NUP188: variants seen among roughly 807,000 people sequenced by gnomAD.
NUP188 encodes the protein nucleoporin 188, also known as nucleoporin NUP188.
In NUP188, 97 loss-of-function variants were observed where a neutral mutation model predicts 223.0. That is an observed-to-expected ratio of 0.43 (90% CI 0.37 to 0.51). The LOEUF (loss-of-function observed/expected upper bound fraction) is 0.51, where lower values mean the gene tolerates loss of function less well. Ranked by LOEUF, NUP188 falls within the 20% of genes least tolerant of loss-of-function variation. The pLI, the probability that NUP188 is intolerant of heterozygous loss-of-function variation, is 0.00. For synonymous variants in NUP188, 869 were observed against 828.0 expected, an observed-to-expected ratio of 1.05 and a Z score of -0.85; for missense variants, 1,947 against 2,175.6, an observed-to-expected ratio of 0.89 and a Z score of 2.09.
intron 13 of NUP188, among the ~76,000 whole-genome samples, chr9:128,979,853 C>T (rs1361626694): frequency 2.0e-5 from 3 of 152,110 alleles, no homozygotes; most frequent in Admixed American, 6.6e-5. Flanking sequence ...AGGCTGGTCT[C>T]GATCTCCTGA....
intron 38 of NUP188, chr9:129,004,944 C>G (rs1253943148): frequency 1.0e-5 from 6 of 583,460 alleles, no homozygotes; most frequent in Non-Finnish European, 1.8e-5. Context: ...TGGAAAGTGG[C>G]CAGGGGAGCA....
At chr9:128,994,349 T>C in intron 27 of NUP188, 24 bp from the exon 28 acceptor site, 1 of 1,556,602 alleles carries the variant, frequency 6.4e-7, no homozygotes, top group South Asian at 1.1e-5. Flanking sequence ...AAGTTATGAT[T>C]TCAAACATTT....
At chr9:128,948,045 T>G in intron 1 of NUP188, 10 of 300,296 alleles carry the variant, frequency 3.3e-5, no homozygotes, top group East Asian at 1.0e-4. Flanking sequence ...GACGCGTCTC[T>G]TGGCGCCCCA....
intron 19 of NUP188, among the ~76,000 whole-genome samples, chr9:128,984,425 C>T (rs148467628): frequency 1.3e-5 from 2 of 152,134 alleles, no homozygotes; most frequent in Non-Finnish European, 2.9e-5. Context: ...GGTGCCCGGC[C>T]GAGAGCAAGA....
Position 129,006,362 on chromosome 9 carries a change from T to C in NUP188, c.5067T>C (p.Ser1689=). The C allele has an allele frequency of 1.9e-6, 3 of 1,614,116 alleles. No homozygotes were observed. The highest frequency in any genetic ancestry group is 2.5e-6 in the Non-Finnish European group (3 of 1,180,000). The change falls in exon 43 of 44, where the codon TCT becomes TCC. Residue 1689 remains serine (S), a synonymous_variant. Coordinates refer to ENST00000372577, the MANE Select transcript of NUP188 (RefSeq NM_015354.3). ...DKQRMKQELS[S]ELSTLLSSLS... ...AGCGGATGAAGCAGGAGCTCAGCTCTGAGTTGGTACGGATGGATAGGGATA... is the reference window on the plus strand; with the variant it reads ...AGCGGATGAAGCAGGAGCTCAGCTCCGAGTTGGTACGGATGGATAGGGATA...
intron 38 of NUP188, 149 bp from the exon 39 acceptor site, chr9:129,004,998 G>C: frequency 1.5e-6 from 1 of 673,688 alleles, no homozygotes; most frequent in Non-Finnish European, 2.7e-6. Flanking sequence ...GAAGGAGGGA[G>C]AGAAGGGGAG....
intron 29 of NUP188, 41 bp downstream of exon 29, chr9:128,994,964 G>A (rs1362696881): frequency 6.8e-7 from 1 of 1,465,062 alleles, no homozygotes; most frequent in Non-Finnish European, 9.6e-7. Flanking sequence ...TGAAGGTTGG[G>A]GGAGTGGGAG....
Position 128,958,999 on chromosome 9 carries a change from T to C in NUP188, c.466-16T>C, listed in dbSNP as rs757415694. The C allele has an allele frequency of 6.6e-7, 1 of 1,519,104 alleles. No homozygotes were observed. The highest frequency in any genetic ancestry group is 8.9e-7 in the Non-Finnish European group (1 of 1,119,692). The allele number at this position is 1,519,104 out of a possible 1,614,324, so 94.1% of individuals were successfully genotyped here. A position where few individuals can be genotyped will look rare whatever the true frequency, so the allele number is the denominator to read the frequency against. On this transcript the variant is annotated splice_polypyrimidine_tract_variant and intron_variant, in intron 7 of 43. Coordinates refer to ENST00000372577, the MANE Select transcript of NUP188 (RefSeq NM_015354.3). ...CTTTTATTCTAGGTATAATTTACTC[T>C]TTTGATTTTTTAAAGGTTGAATATG...
At chr9:128,956,196 T>TGG (rs1442557532) in intron 3 of NUP188, among the ~76,000 whole-genome samples, 154 bp from the exon 4 acceptor site, 1 of 140,048 alleles carries the variant, frequency 7.1e-6, no homozygotes, top group Non-Finnish European at 1.6e-5. Context: ...TGTGTGTGTG[T>TGG]GTGTGTGTGT....
chr9:128,994,738 C>G (rs1842490048), intron 28 of NUP188, 118 bp from the exon 29 acceptor site: 1 of 848,256 alleles, frequency 1.2e-6, no homozygotes, highest in Middle Eastern at 2.6e-4. Flanking sequence ...TCACATTCAA[C>G]AGGGGTTGTG....
chr9:128,974,030 C>A (rs2131158399), intron 12 of NUP188, among the ~76,000 whole-genome samples: 1 of 152,210 alleles, frequency 6.6e-6, no homozygotes, highest in African/African-American at 2.4e-5. Flanking sequence ...TCTGCCTCAG[C>A]CTCTTAAATA....
rs1375562825 is a variant in NUP188 at position 128,983,306 on chromosome 9, A to T, written c.1810A>T (p.Ile604Phe). Residue 604 changes from isoleucine (I) to phenylalanine (F), a missense_variant, in exon 18 of 44, where the codon ATC (isoleucine) becomes TTC (phenylalanine). By Grantham distance (21) the Ile-to-Phe change is conservative (BLOSUM62 0). Coordinates refer to ENST00000372577, the MANE Select transcript of NUP188 (RefSeq NM_015354.3). ...YMLLQRLTTV[I>F]SPPVDVIASC... is the part of the protein sequence containing the mutation. ...TTCTCCAACCAGGTTAACGACAGTGATCTCCCCACCTGTGGATGTCATTGC... is the reference window on the plus strand; with the variant it reads ...TTCTCCAACCAGGTTAACGACAGTGTTCTCCCCACCTGTGGATGTCATTGC... 1 of 1,614,056 alleles carries T rather than the reference A, an allele frequency of 6.2e-7. No individual in the cohort carries two copies. Among genetic ancestry groups the T allele is most frequent in the Admixed American group, 1.7e-5 (1 of 60,000 alleles).
At chr9:129,002,753 TGTACTACAAGGAG>T (rs1842694210) in intron 36 of NUP188, 51 bp from the exon 37 acceptor site, 1 of 1,537,534 alleles carries the variant, frequency 6.5e-7, no homozygotes, top group Non-Finnish European at 8.8e-7. Flanking sequence ...CCTTAGTTGC[TGTACTACAAGGAG>T]GTCCTGCCTC....
Position 128,979,868 on chromosome 9 carries a change from G to A in NUP188, c.1269+541G>A, listed in dbSNP as rs561974723. Among the ~76,000 whole-genome samples, 21 of 152,196 alleles carry A rather than the reference G, an allele frequency of 1.4e-4. No individual in the cohort carries two copies. The East Asian group carries it at 1.9e-3, about 14-fold the overall frequency. The stretch of plus-strand genomic sequence containing the variant: ...AGGCTGGTCTCGATCTCCTGACCTC[G>A]TGATCTGCCAGCCTCGGCCTCCCAA... On this transcript the variant is annotated intron_variant, in intron 13 of 43. Transcript: ENST00000372577.
At chr9:128,951,306 CAAA>C (rs34863865) in intron 2 of NUP188, among the ~76,000 whole-genome samples, 5 of 86,220 alleles carry the variant, frequency 5.8e-5, no homozygotes, top group South Asian at 3.9e-4. Context: ...GACTCCATCT[CAAA>C]AAAAAAAAAA....
chr9:129,002,091 C>G, intron 36 of NUP188, 115 bp downstream of exon 36: 2 of 794,924 alleles, frequency 2.5e-6, no homozygotes, highest in East Asian at 2.6e-5. Context: ...GCCTAATACA[C>G]TGATGGTGAG....
In NUP188 at chr9:128,969,493, G is replaced by T; in HGVS notation, c.891G>T (p.Ala297=). The T allele has an allele frequency of 1.3e-6, 2 of 1,576,046 alleles. No individual in the cohort carries two copies. Among genetic ancestry groups the T allele is most frequent in the Non-Finnish European group, 1.7e-6 (2 of 1,164,996 alleles). ...LDDRRELHQF[A]QDGLICQDMD... is the part of the protein sequence containing the mutation. Reference sequence around the variant, plus strand: ...ACAGAAGAGAACTGCATCAGTTTGCGCAGGATGGGCTTATTTGTCAGGTGA... The same window carrying T: ...ACAGAAGAGAACTGCATCAGTTTGCTCAGGATGGGCTTATTTGTCAGGTGA... The change falls in exon 10 of 44, where the codon GCG becomes GCT. Residue 297 remains alanine, a synonymous_variant. Coordinates refer to ENST00000372577, the MANE Select transcript of NUP188 (RefSeq NM_015354.3).
chr9:128,973,839 A>G (rs1472171359), intron 12 of NUP188, among the ~76,000 whole-genome samples: 4 of 152,232 alleles, frequency 2.6e-5, no homozygotes. Flanking sequence ...ACATGAAAAT[A>G]TAGTAATTCT....
At position 128,969,507 on chromosome 9, in the gene NUP188, T is replaced by C. The variant is rs764129723; in HGVS notation, c.905T>C (p.Ile302Thr). The C allele has an allele frequency of 6.5e-7, 1 of 1,547,046 alleles. No individual in the cohort carries two copies. Among genetic ancestry groups the C allele is most frequent in the Non-Finnish European group, 8.7e-7 (1 of 1,149,822 alleles). Residue 302 changes from isoleucine (I) to threonine (T), a missense_variant, in exon 10 of 44, where the codon ATT becomes ACT. Around this residue, in one of 3 missense-constraint regions of NUP188, gnomAD observed 817 missense variants for 865.8 expected, o/e 0.94. Transcript: ENST00000372577. The part of the protein sequence containing the change: ...ELHQFAQDGL[I>T]CQDMDCLMLT... Reference sequence around the variant, plus strand: ...CATCAGTTTGCGCAGGATGGGCTTATTTGTCAGGTGACTTGGAATAGCCTC... The same window carrying C: ...CATCAGTTTGCGCAGGATGGGCTTACTTGTCAGGTGACTTGGAATAGCCTC...
Sources: gnomAD v4.1 joint callset for allele counts (sites outside exome capture counted in the v4.1 genomes callset) on GRCh38, gnomAD v4.1.1 for gene constraint, gnomAD v4.1.1 regional missense constraint, MANE v1.5 for transcripts, NCBI Gene and HGNC (gene_info 2026-07-23, HGNC 2026-07-21) for gene names.